The following RASEF variants were observed in gnomAD, a reference collection of about 807,000 sequenced individuals.
RASEF encodes RAS and EF-hand domain containing, also known as ras and EF-hand domain-containing protein.
RASEF carries 68 observed loss-of-function variants against 90.1 expected under a neutral mutation model. That is an observed-to-expected ratio of 0.75 (90% CI 0.62 to 0.92). The LOEUF (loss-of-function observed/expected upper bound fraction) is 0.92, where lower values mean the gene tolerates loss of function less well. Ranked by LOEUF, RASEF falls within the 40% of genes least tolerant of loss-of-function variation. RASEF has a pLI of 0.00. For synonymous variants in RASEF, 331 were observed against 345.2 expected, an observed-to-expected ratio of 0.96 and a Z score of 0.46; for missense variants, 949 against 937.2, an observed-to-expected ratio of 1.01 and a Z score of -0.16.
At chr9:83,216,655 G>A in the RASEF span, among the ~76,000 whole-genome samples, 2 of 152,202 alleles carry the variant, frequency 1.3e-5, no homozygotes, top group Non-Finnish European at 2.9e-5. Flanking sequence ...GAAATGTGGG[G>A]TTGAAGCCAC....
At chr9:83,004,270 G>A (rs1012287959) in intron 9 of RASEF, among the ~76,000 whole-genome samples, 1 of 152,180 alleles carries the variant, frequency 6.6e-6, no homozygotes, top group Non-Finnish European at 1.5e-5. Context: ...ATGAGGTAAT[G>A]ATGAGCATAT....
chr9:83,065,023 G>A (rs561971987), upstream of RASEF, among the ~76,000 whole-genome samples: 34 of 152,244 alleles, frequency 2.2e-4, no homozygotes, highest in Non-Finnish European at 3.1e-4. Flanking sequence ...AGCCGAGATC[G>A]CGCCACTGCA....
intron 1 of RASEF, among the ~76,000 whole-genome samples, chr9:83,061,767 A>T (rs1286858307): frequency 6.6e-6 from 1 of 152,242 alleles, no homozygotes; most frequent in Non-Finnish European, 1.5e-5. Flanking sequence ...TCACATAAAA[A>T]GTGAGTTTTT....
At chr9:83,179,678 T>C in the RASEF span, among the ~76,000 whole-genome samples, 1 of 152,150 alleles carries the variant, frequency 6.6e-6, no homozygotes, top group Non-Finnish European at 1.5e-5. Context: ...AAAAAGAAGA[T>C]ATACTGTAAT....
chr9:83,078,827 T>A, the RASEF span, among the ~76,000 whole-genome samples: 2 of 152,232 alleles, frequency 1.3e-5, no homozygotes, highest in Non-Finnish European at 2.9e-5. Flanking sequence ...TTTAATATGC[T>A]TGTTGGCCAC....
At chr9:83,194,826 T>G in the RASEF span, among the ~76,000 whole-genome samples, 1 of 152,254 alleles carries the variant, frequency 6.6e-6, no homozygotes. Flanking sequence ...TCAGCTCTTT[T>G]CAGGATTACT....
At chr9:83,180,213 T>C in the RASEF span, among the ~76,000 whole-genome samples, 1 of 152,160 alleles carries the variant, frequency 6.6e-6, no homozygotes. Context: ...AATTCTGTTT[T>C]TAAAAGGTCA....
At chr9:83,071,165 G>T in the RASEF span, among the ~76,000 whole-genome samples, 1 of 152,156 alleles carries the variant, frequency 6.6e-6, no homozygotes, top group Non-Finnish European at 1.5e-5. Context: ...AGGTAGAATT[G>T]CAATAGTAAG....
chr9:83,007,928 T>C lies in RASEF; in HGVS notation c.960-423A>G, dbSNP rs561084020. Among the ~76,000 whole-genome samples, 17 of 152,284 alleles carry C rather than the reference T, an allele frequency of 1.1e-4. No homozygotes were observed. In the South Asian group the frequency reaches 1.7e-3, roughly 15 times the overall value. On this transcript the variant is annotated intron_variant, in intron 6 of 16. Coordinates refer to ENST00000376447, the MANE Select transcript of RASEF (RefSeq NM_152573.4). ...CCTTCCCTGCTCATCTAAAGCCTTATATAATCCCAACTCCATCTATTTTCT... is the reference window on the plus strand; with the variant it reads ...CCTTCCCTGCTCATCTAAAGCCTTACATAATCCCAACTCCATCTATTTTCT...
chr9:83,024,738 T>C (rs1347455926), intron 2 of RASEF, among the ~76,000 whole-genome samples: 2 of 152,244 alleles, frequency 1.3e-5, no homozygotes, highest in Non-Finnish European at 2.9e-5. Context: ...ATACCAAGAA[T>C]TTAAAATATT....
At chr9:83,192,208 T>C in the RASEF span, among the ~76,000 whole-genome samples, 1 of 152,158 alleles carries the variant, frequency 6.6e-6, no homozygotes, top group Non-Finnish European at 1.5e-5. Context: ...CCACTGGGCA[T>C]ATACCCAAAG....
the RASEF span, among the ~76,000 whole-genome samples, chr9:83,125,409 A>C: frequency 6.6e-6 from 1 of 152,296 alleles, no homozygotes; most frequent in East Asian, 1.9e-4. Context: ...ACCTTAATAT[A>C]ATAAATTTGT....
At chr9:83,066,299 C>A (rs1443293210), upstream of RASEF, among the ~76,000 whole-genome samples, 1 of 152,170 alleles carries the variant, frequency 6.6e-6, no homozygotes, top group Non-Finnish European at 1.5e-5. Flanking sequence ...AGAATTGGAT[C>A]CTGCTTTTTC....
At chr9:83,170,497 A>G in the RASEF span, among the ~76,000 whole-genome samples, 7 of 152,020 alleles carry the variant, frequency 4.6e-5, no homozygotes, top group Non-Finnish European at 8.8e-5. Context: ...CATTGAATCT[A>G]TATATCTCTT....
At chr9:83,161,581 G>A in the RASEF span, among the ~76,000 whole-genome samples, 1 of 152,066 alleles carries the variant, frequency 6.6e-6, no homozygotes, top group East Asian at 1.9e-4. Context: ...ACGTTGGACT[G>A]TGGACTTTTG....
the RASEF span, among the ~76,000 whole-genome samples, chr9:83,149,061 G>T: frequency 6.6e-6 from 1 of 152,218 alleles, no homozygotes; most frequent in Non-Finnish European, 1.5e-5. Context: ...AGACAAGGCA[G>T]TCGGTGATAG....
At chr9:82,985,504 GT>G (rs1201285405) in intron 16 of RASEF, among the ~76,000 whole-genome samples, 1 of 152,206 alleles carries the variant, frequency 6.6e-6, no homozygotes, top group East Asian at 1.9e-4. Context: ...ATATCAGGCT[GT>G]GATGGGCTAT....
At chr9:83,130,712 G>A in the RASEF span, among the ~76,000 whole-genome samples, 1 of 152,110 alleles carries the variant, frequency 6.6e-6, no homozygotes, top group African/African-American at 2.4e-5. Context: ...CAAGTATAAT[G>A]TTCTTGTCTT....
chr9:83,147,028 G>GTATATATATGTATA, the RASEF span, among the ~76,000 whole-genome samples: 1 of 31,340 alleles, frequency 3.2e-5, no homozygotes, highest in Admixed American at 3.9e-4. Context: ...GTGTGTGTGT[G>GTATATATATGTATA]TATATATATA....
Sources: gnomAD v4.1 joint callset for allele counts (sites outside exome capture counted in the v4.1 genomes callset) on GRCh38, gnomAD v4.1.1 for gene constraint, MANE v1.5 for transcripts, NCBI Gene and HGNC (gene_info 2026-07-23, HGNC 2026-07-21) for gene names.